Variants in IARS2 observed in about 807,000 individuals in gnomAD.
IARS2 encodes isoleucyl-tRNA synthetase 2, mitochondrial.
A neutral mutation model predicts 126.3 loss-of-function variants in IARS2; 56 were observed. The ratio of observed to expected loss-of-function variants is 0.44; its 90% confidence interval spans 0.36 to 0.55. The LOEUF is 0.55. IARS2 is among the 20% of genes least tolerant of loss of function. The probability of loss-of-function intolerance (pLI) is 0.00; values close to 1 mark genes in which losing one functional copy is unlikely to be tolerated. For synonymous variants in IARS2, 407 were observed against 441.1 expected (o/e 0.92, Z 0.97); for missense variants, 1,127 against 1,245.9 (o/e 0.90, Z 1.44).
Position 220,134,526 on chromosome 1 carries a change from T to C in IARS2, c.1946+16T>C, listed in dbSNP as rs370439841. On this transcript the variant is annotated intron_variant, in intron 15 of 22. Coordinates refer to ENST00000366922, the MANE Select transcript of IARS2 (RefSeq NM_018060.4). ...CACCTTATAAGTAAGTATTTATGCC[T>C]GAACCAACCTGCTGAGTACCTGCCA... The C allele has an allele frequency of 7.9e-6, 12 of 1,517,284 alleles. No individual in the cohort carries two copies. In the African/African-American group the frequency reaches 1.5e-4, roughly 19 times the overall value. The allele number at this position is 1,517,284 out of a possible 1,614,324, so 94.0% of individuals were successfully genotyped here. A position where few individuals can be genotyped will look rare whatever the true frequency, so the allele number is the denominator to read the frequency against.
chr1:220,117,792 C>T, intron 12 of IARS2: 1 of 473,234 alleles, frequency 2.1e-6, no homozygotes, highest in South Asian at 1.6e-5. Context: ...GGTAGTGTTA[C>T]AGATTATCTT....
chr1:220,122,738 C>CT (rs1325101406), intron 12 of IARS2, among the ~76,000 whole-genome samples: 1 of 152,134 alleles, frequency 6.6e-6, no homozygotes, highest in Non-Finnish European at 1.5e-5. Flanking sequence ...TACAAATACT[C>CT]TTTATCTTTT....
At chr1:220,096,667 G>C (rs1032189720) in intron 2 of IARS2, among the ~76,000 whole-genome samples, 1 of 152,114 alleles carries the variant, frequency 6.6e-6, no homozygotes, top group African/African-American at 2.4e-5. Flanking sequence ...ATTTTTTGTA[G>C]ATTTCAGTGG....
At chr1:220,114,148 G>T (rs1385671251) in intron 11 of IARS2, among the ~76,000 whole-genome samples, 166 bp from the exon 12 acceptor site, 1 of 151,966 alleles carries the variant, frequency 6.6e-6, no homozygotes, top group Non-Finnish European at 1.5e-5. Flanking sequence ...TGCCTTATTT[G>T]CTCTGAAATC....
Position 220,100,483 on chromosome 1 carries a change from T to C in IARS2, c.391-7T>C, listed in dbSNP as rs151201174. ...TATGAATGATAATTATCATTTTATC[T>C]TTGCAGATTTTGAAAGACATAGCCA... On this transcript the variant is annotated splice_region_variant and splice_polypyrimidine_tract_variant and intron_variant, in intron 2 of 22. Transcript: ENST00000366922. 1 of 1,591,940 alleles carries C rather than the reference T, an allele frequency of 6.3e-7. No individual in the cohort carries two copies. Among genetic ancestry groups the C allele is most frequent in the Admixed American group, 1.8e-5 (1 of 56,682 alleles).
chr1:220,104,385 G>C (rs758685489), intron 8 of IARS2, among the ~76,000 whole-genome samples: 7 of 152,060 alleles, frequency 4.6e-5, no homozygotes, highest in Non-Finnish European at 7.4e-5. Context: ...TGTTGTTGTT[G>C]TTCTTCATTT....
At chr1:220,122,186 T>G (rs1368805378) in intron 12 of IARS2, among the ~76,000 whole-genome samples, 1 of 152,234 alleles carries the variant, frequency 6.6e-6, no homozygotes, top group Admixed American at 6.5e-5. Context: ...CTTTTTCTTT[T>G]AAGAATAAAA....
chr1:220,110,373 T>C (rs1337092658), intron 10 of IARS2, among the ~76,000 whole-genome samples: 4 of 151,888 alleles, frequency 2.6e-5, no homozygotes, highest in Non-Finnish European at 1.5e-5. Flanking sequence ...TTGACTACTC[T>C]TTTATTTTTT....
chr1:220,137,976 C>G lies in IARS2; in HGVS notation c.2108C>G (p.Ser703Cys), dbSNP rs1346941949. 6 of 1,614,092 alleles carry G rather than the reference C, an allele frequency of 3.7e-6. No individual in the cohort carries two copies. In the East Asian group the frequency reaches 1.1e-4, roughly 30 times the overall value. ...ADVLRWWVAD[S>C]NVFTEVAIGP... ...GTCCTTCGCTGGTGGGTAGCTGATT[C>G]CAATGTCTTCACCGAAGTTGCAATT... is the stretch of plus-strand genomic sequence containing the variant. Residue 703 changes from serine to cysteine, a missense_variant, in exon 17 of 23, where the codon TCC (serine) becomes TGC (cysteine). By Grantham distance (112) the Ser-to-Cys change is moderately radical. Coordinates refer to ENST00000366922, the MANE Select transcript of IARS2 (RefSeq NM_018060.4).
intron 20 of IARS2, among the ~76,000 whole-genome samples, 188 bp downstream of exon 20, chr1:220,142,136 G>T (rs922384388): frequency 6.6e-6 from 1 of 152,146 alleles, no homozygotes; most frequent in African/African-American, 2.4e-5. Context: ...TCAGAATTCT[G>T]TGCTTTCTGA....
chr1:220,107,218 CT>C (rs1360385302), intron 10 of IARS2, 67 bp downstream of exon 10: 3 of 959,224 alleles, frequency 3.1e-6, no homozygotes, highest in African/African-American at 3.2e-5. Flanking sequence ...CCTTTGCTAC[CT>C]ATTTTCCCTC....
At chr1:220,117,134 GTT>G (rs201533210) in intron 12 of IARS2, among the ~76,000 whole-genome samples, 4 of 96,562 alleles carry the variant, frequency 4.1e-5, no homozygotes, top group African/African-American at 7.8e-5. Context: ...ACACTGGAAA[GTT>G]TTTTTTTTTT....
intron 12 of IARS2, among the ~76,000 whole-genome samples, chr1:220,119,696 A>T (rs1281336606): frequency 6.6e-6 from 1 of 152,104 alleles, no homozygotes. Flanking sequence ...TGTATATAAG[A>T]TGTCCAATAC....
intron 14 of IARS2, 105 bp downstream of exon 14, chr1:220,126,948 T>G: frequency 1.3e-6 from 1 of 759,776 alleles, no homozygotes; most frequent in Non-Finnish European, 2.2e-6. Context: ...TGTGCTTTAT[T>G]TAGAGATCTG....
Position 220,105,937 on chromosome 1 carries a change from T to G in IARS2, c.1113T>G (p.Asp371Glu). Residue 371 changes from aspartate to glutamate, a missense_variant, in exon 9 of 23, where the codon GAT becomes GAG. Asp to Glu is a conservative substitution (Grantham distance 45). Transcript: ENST00000366922. ...CTTGCAGTCATCCATTAATTCCTGA[T>G]AAAGCCTCTCCTCTTTTACCTGCAA... ...NGTCSHPLIP[D>E]KASPLLPANH... 1 of 1,614,162 alleles carries G rather than the reference T, an allele frequency of 6.2e-7. No individual in the cohort carries two copies. The highest frequency in any genetic ancestry group is 8.5e-7 in the Non-Finnish European group (1 of 1,179,996).
chr1:220,114,075 C>T (rs1237637733), intron 11 of IARS2, among the ~76,000 whole-genome samples: 1 of 152,092 alleles, frequency 6.6e-6, no homozygotes, highest in Non-Finnish European at 1.5e-5. Flanking sequence ...TGCAACAATG[C>T]TCCTGATATT....
intron 12 of IARS2, among the ~76,000 whole-genome samples, chr1:220,117,032 T>C (rs1377515096): frequency 2.6e-5 from 4 of 151,520 alleles, no homozygotes. Context: ...AGGCATGAGC[T>C]ACCATGCCCA....
chr1:220,115,265 A>G (rs891672589), intron 12 of IARS2, among the ~76,000 whole-genome samples: 53 of 152,144 alleles, frequency 3.5e-4, no homozygotes, highest in Non-Finnish European at 7.3e-5. Context: ...CATACTTTAC[A>G]TACTATAAAA....
At chr1:220,120,671 C>T (rs934940843) in intron 12 of IARS2, among the ~76,000 whole-genome samples, 15 of 152,124 alleles carry the variant, frequency 9.9e-5, no homozygotes, top group South Asian at 4.1e-4. Flanking sequence ...CCACCGTGCC[C>T]GCCCAAAATT....
Sources: gnomAD v4.1 joint callset for allele counts (sites outside exome capture counted in the v4.1 genomes callset) on GRCh38, gnomAD v4.1.1 for gene constraint, MANE v1.5 for transcripts, NCBI Gene and HGNC (gene_info 2026-07-23, HGNC 2026-07-21) for gene names.